Variants in WDFY4 observed in about 807,000 individuals in gnomAD.
WDFY4 encodes WDFY family member 4.
Under a neutral mutation model 351.9 loss-of-function variants are expected in WDFY4, and 169 were observed. The observed-to-expected ratio is 0.48, with a 90% CI of 0.42 to 0.55. WDFY4 has a LOEUF of 0.55. Among genes scored for constraint, WDFY4 ranks in the 20% least tolerant of loss-of-function variants. The pLI is 0.00. For missense variants in WDFY4, 3,803 were observed against 3,935.6 expected (o/e 0.97, Z 0.90); for synonymous variants, 1,622 against 1,574.6 (o/e 1.03, Z -0.71).
chr10:48,956,513 C>T (rs937201699), intron 51 of WDFY4, among the ~76,000 whole-genome samples: 14 of 152,174 alleles, frequency 9.2e-5, no homozygotes, highest in African/African-American at 3.4e-4. Flanking sequence ...CCTCCCTTCA[C>T]CCTCCTCCCT....
In WDFY4 at chr10:48,729,583, G is replaced by A; in HGVS notation, c.1123G>A (p.Ala375Thr). Residue 375 changes from alanine to threonine, a missense_variant, in exon 8 of 62, where the codon GCA (alanine) becomes ACA (threonine). Around this residue, in one of 3 missense-constraint regions of WDFY4, gnomAD observed 488 missense variants for 456.8 expected, o/e 1.07. Transcript: ENST00000325239. ...TGAAGGCTTCAAGTTCCATCATGAG[G>A]CATCTGGTGAGTCTTTCCTGTGTCT... Reference protein sequence around the residue: ...QLEGFKFHHEASGVTVKNLQA... With the variant: ...QLEGFKFHHETSGVTVKNLQA... 1 of 1,551,672 alleles carries A rather than the reference G, an allele frequency of 6.4e-7. No homozygotes were observed. The highest frequency in any genetic ancestry group is 2.4e-5 in the East Asian group (1 of 40,920).
chr10:48,848,433 A>G (rs1251206149), intron 39 of WDFY4, among the ~76,000 whole-genome samples: 1 of 152,226 alleles, frequency 6.6e-6, no homozygotes, highest in African/African-American at 2.4e-5. Flanking sequence ...CTAGTAAAAG[A>G]CTGCATTGCA....
chr10:48,812,170 C>CT (rs1166416128), intron 30 of WDFY4, among the ~76,000 whole-genome samples: 2 of 147,084 alleles, frequency 1.4e-5, no homozygotes, highest in African/African-American at 5.3e-5. Context: ...TCCTTTCTTT[C>CT]TTTCTTTTCT....
chr10:48,704,566 C>T (rs2132168995), intron 1 of WDFY4, among the ~76,000 whole-genome samples: 1 of 152,282 alleles, frequency 6.6e-6, no homozygotes, highest in South Asian at 2.1e-4. Context: ...AGAACCTTTC[C>T]AGGGTAGCAA....
intron 56 of WDFY4, among the ~76,000 whole-genome samples, chr10:48,969,567 T>G (rs2131832303): frequency 6.6e-6 from 1 of 152,340 alleles, no homozygotes; most frequent in Non-Finnish European, 1.5e-5. Context: ...GGGGCTCCTC[T>G]GTTTCCAATC....
At chr10:48,957,389 A>G in intron 52 of WDFY4, 107 bp downstream of exon 52, 2 of 1,400,480 alleles carry the variant, frequency 1.4e-6, no homozygotes, top group Non-Finnish European at 1.9e-6. Flanking sequence ...GGCCCTCCCC[A>G]GGACCTCAAC....
chr10:48,921,688 T>C (rs887801637), intron 47 of WDFY4, among the ~76,000 whole-genome samples: 1 of 152,146 alleles, frequency 6.6e-6, no homozygotes, highest in South Asian at 2.1e-4. Flanking sequence ...AGATATCTGG[T>C]ATCCAAAATC....
At chr10:48,698,281 C>T (rs1277634162) in intron 1 of WDFY4, among the ~76,000 whole-genome samples, 1 of 152,200 alleles carries the variant, frequency 6.6e-6, no homozygotes, top group African/African-American at 2.4e-5. Flanking sequence ...GGAGATTACA[C>T]CAATCTCCTG....
At chr10:48,866,171 G>A (rs960182801) in intron 39 of WDFY4, among the ~76,000 whole-genome samples, 7 of 152,022 alleles carry the variant, frequency 4.6e-5, no homozygotes, top group African/African-American at 1.7e-4. Flanking sequence ...TCAGATGGAA[G>A]TTTCAGATAT....
intron 43 of WDFY4, among the ~76,000 whole-genome samples, chr10:48,883,626 C>T (rs2070344024): frequency 6.6e-6 from 1 of 152,190 alleles, no homozygotes; most frequent in Non-Finnish European, 1.5e-5. Context: ...TCCTCCTCCC[C>T]TACCGTCTCA....
rs114549109 is a variant in WDFY4 at position 48,915,136 on chromosome 10, C to A, written c.7586+13273C>A. Among the ~76,000 whole-genome samples the A allele has an allele frequency of 3.7e-3, 561 of 152,240 alleles. 5 individuals are homozygous for A. The highest frequency in any genetic ancestry group is 0.013 in the African/African-American group (540 of 41,560). On this transcript the variant is annotated intron_variant, in intron 47 of 61. Coordinates refer to ENST00000325239, the MANE Select transcript of WDFY4 (RefSeq NM_001394531.1). ...GTTTTCTTATTTGTGAAAACAGACA[C>A]CCTTACAGAGCTATGAGGGGGCGTA...
chr10:48,803,508 G>A (rs1290736690), intron 25 of WDFY4, 149 bp downstream of exon 25: 11 of 785,344 alleles, frequency 1.4e-5, no homozygotes, highest in South Asian at 5.3e-5. Context: ...TCATGCTTGT[G>A]GGGCAGTCTC....
chr10:48,788,716 G>A (rs1224575967), intron 21 of WDFY4, 41 bp downstream of exon 21: 1 of 1,544,926 alleles, frequency 6.5e-7, no homozygotes, highest in Admixed American at 2.0e-5. Context: ...GTTGGAATCT[G>A]GTTTCATGGT....
At chr10:48,966,793 T>C in intron 55 of WDFY4, 120 bp downstream of exon 55, 1 of 1,318,128 alleles carries the variant, frequency 7.6e-7, no homozygotes, top group Non-Finnish European at 1.0e-6. Context: ...TGACTTTGAA[T>C]GGCTGCATCT....
intron 43 of WDFY4, among the ~76,000 whole-genome samples, chr10:48,883,389 GGT>G (rs71026226): frequency 1.1e-4 from 17 of 150,460 alleles, no homozygotes; most frequent in South Asian, 2.1e-4. Flanking sequence ...TTGTGCAAGG[GGT>G]GTGTGTGTGT....
At chr10:48,923,496 G>GTATTTATATATATATATATATA (rs1839280373) in intron 47 of WDFY4, among the ~76,000 whole-genome samples, 2 of 63,214 alleles carry the variant, frequency 3.2e-5, no homozygotes, top group Non-Finnish European at 8.5e-5. Context: ...ATAGTTTTTA[G>GTATTTATATATATATATATATA]TATATATATA....
Position 48,732,922 on chromosome 10 carries a change from G to T in WDFY4, c.1583-1009G>T, listed in dbSNP as rs1565141302. ...CTGCGAAGGATGAGCCCAAGGGATG[G>T]TTTTTGTGTCTGGGCCTCTGGGCCA... is the stretch of plus-strand genomic sequence containing the variant. On this transcript the variant is annotated intron_variant, in intron 9 of 61. Coordinates refer to ENST00000325239, the MANE Select transcript of WDFY4 (RefSeq NM_001394531.1). Among the ~76,000 whole-genome samples, 3 of 152,224 alleles carry T rather than the reference G, an allele frequency of 2.0e-5. No individual in the cohort carries two copies. The South Asian group carries it at 6.2e-4, about 32-fold the overall frequency.
intron 1 of WDFY4, among the ~76,000 whole-genome samples, chr10:48,689,459 A>C (rs1203147409): frequency 6.6e-6 from 1 of 152,250 alleles, no homozygotes; most frequent in African/African-American, 2.4e-5. Flanking sequence ...AAATTATAAA[A>C]TACCTCAGTA....
chr10:48,803,791 A>G (rs2067161991), intron 25 of WDFY4, among the ~76,000 whole-genome samples: 1 of 152,224 alleles, frequency 6.6e-6, no homozygotes, highest in Admixed American at 6.5e-5. Flanking sequence ...AAAGACCAGT[A>G]AAGAGGGACT....
Sources: gnomAD v4.1 joint callset for allele counts (sites outside exome capture counted in the v4.1 genomes callset) on GRCh38, gnomAD v4.1.1 for gene constraint, gnomAD v4.1.1 regional missense constraint, MANE v1.5 for transcripts, NCBI Gene and HGNC (gene_info 2026-07-23, HGNC 2026-07-21) for gene names.